The following ABR variants were observed in gnomAD, a reference collection of about 807,000 sequenced individuals.
ABR encodes the protein active breakpoint cluster region-related protein.
Under a neutral mutation model 107.2 loss-of-function variants are expected in ABR, and 35 were observed. That is an observed-to-expected ratio of 0.33 (90% CI 0.25 to 0.43). ABR has a LOEUF of 0.43. Among genes scored for constraint, ABR ranks in the 20% least tolerant of loss-of-function variants. The pLI is 1.00. For synonymous variants in ABR, 498 were observed against 462.0 expected (o/e 1.08, Z -1.00); for missense variants, 815 against 1,115.2 (o/e 0.73, Z 3.83).
At chr17:1,049,046 A>C (rs2032109940) in intron 16 of ABR, among the ~76,000 whole-genome samples, 1 of 152,140 alleles carries the variant, frequency 6.6e-6, no homozygotes. Context: ...TACTTCTCTT[A>C]ATAGGTTGGT....
At chr17:1,153,940 T>G (rs2040934537) in intron 1 of ABR, 1 of 165,618 alleles carries the variant, frequency 6.0e-6, no homozygotes, top group African/African-American at 2.4e-5. Flanking sequence ...AGCAACAGGC[T>G]CCCGCTCCAG....
chr17:1,089,984 G>A (rs888499125), intron 4 of ABR, among the ~76,000 whole-genome samples: 8 of 152,136 alleles, frequency 5.3e-5, no homozygotes, highest in Non-Finnish European at 1.0e-4. Context: ...AATGCAGTCC[G>A]TCCTCCTGGA....
At chr17:1,020,289 G>T (rs1413609221) in intron 16 of ABR, among the ~76,000 whole-genome samples, 1 of 152,172 alleles carries the variant, frequency 6.6e-6, no homozygotes, top group Non-Finnish European at 1.5e-5. Context: ...CACCGTGTTG[G>T]CCAGGCTGGT....
intron 9 of ABR, among the ~76,000 whole-genome samples, chr17:1,068,158 C>T (rs1005706426): frequency 6.6e-6 from 1 of 152,234 alleles, no homozygotes; most frequent in African/African-American, 2.4e-5. Context: ...GTCTCAAACT[C>T]CTGACCTCAG....
intron 16 of ABR, among the ~76,000 whole-genome samples, chr17:1,025,466 C>T (rs908265957): frequency 2.0e-5 from 3 of 152,120 alleles, no homozygotes; most frequent in Non-Finnish European, 4.4e-5. Context: ...GAACACCCCG[C>T]GGCTTCCCAC....
intron 1 of ABR, among the ~76,000 whole-genome samples, chr17:1,137,738 A>C (rs2040137301): frequency 6.6e-6 from 1 of 152,154 alleles, no homozygotes; most frequent in Non-Finnish European, 1.5e-5. Flanking sequence ...AAGCTCAACT[A>C]AGCATGGAGG....
intron 1 of ABR, among the ~76,000 whole-genome samples, chr17:1,144,500 G>A (rs1188309949): frequency 2.0e-5 from 3 of 151,928 alleles, no homozygotes; most frequent in Non-Finnish European, 2.9e-5. Context: ...GCTGCCCTGC[G>A]CAGTTCACAG....
intron 1 of ABR, among the ~76,000 whole-genome samples, chr17:1,164,997 G>T (rs1473882480): frequency 6.6e-6 from 1 of 152,104 alleles, no homozygotes; most frequent in African/African-American, 2.4e-5. Context: ...AATTTAACGG[G>T]GCATCCTTAT....
intron 16 of ABR, among the ~76,000 whole-genome samples, chr17:1,028,377 G>A (rs1018305841): frequency 2.6e-5 from 4 of 152,088 alleles, no homozygotes; most frequent in Non-Finnish European, 4.4e-5. Context: ...GGGATGACAG[G>A]CGTGAGCCAC....
intron 2 of ABR, among the ~76,000 whole-genome samples, chr17:1,121,190 A>T (rs7207980): frequency 6.6e-6 from 1 of 152,036 alleles, no homozygotes; most frequent in Non-Finnish European, 1.5e-5. Flanking sequence ...GGGACACAAA[A>T]GAAGACAAAG....
intron 21 of ABR, among the ~76,000 whole-genome samples, 158 bp from the exon 22 acceptor site, chr17:1,007,470 G>T (rs951900130): frequency 6.6e-6 from 1 of 152,152 alleles, no homozygotes; most frequent in Non-Finnish European, 1.5e-5. Flanking sequence ...GGGGGAAGGG[G>T]ACTCATCCAG....
chr17:1,024,706 A>G (rs1231891982), intron 16 of ABR, among the ~76,000 whole-genome samples: 2 of 147,238 alleles, frequency 1.4e-5, no homozygotes, highest in African/African-American at 5.1e-5. Context: ...GGATTGCTTG[A>G]GCCTGGGAGA....
At chr17:1,086,871 G>C (rs904198853) in intron 4 of ABR, among the ~76,000 whole-genome samples, 1 of 152,058 alleles carries the variant, frequency 6.6e-6, no homozygotes, top group African/African-American at 2.4e-5. Flanking sequence ...CTACTTGGGA[G>C]ACTGAGGTGG....
At chr17:1,215,979 T>A (rs2150749469) in intron 1 of ABR, among the ~76,000 whole-genome samples, 1 of 134,184 alleles carries the variant, frequency 7.5e-6, no homozygotes, top group South Asian at 2.6e-4. Context: ...GAAGGCAGCG[T>A]GCTCGTTAAG....
At chr17:1,017,415 C>T (rs1439483115) in intron 16 of ABR, among the ~76,000 whole-genome samples, 1 of 151,162 alleles carries the variant, frequency 6.6e-6, no homozygotes, top group Non-Finnish European at 1.5e-5. Context: ...TGCTCTTTGT[C>T]AACTGAGATG....
chr17:1,153,178 C>T (rs1229693409), intron 1 of ABR, among the ~76,000 whole-genome samples: 3 of 152,230 alleles, frequency 2.0e-5, no homozygotes, highest in African/African-American at 4.8e-5. Flanking sequence ...CTTGCCCCAT[C>T]ATCAGGTGCA....
At chr17:1,068,178 C>G (rs1452078062) in intron 9 of ABR, among the ~76,000 whole-genome samples, 1 of 152,238 alleles carries the variant, frequency 6.6e-6, no homozygotes, top group Non-Finnish European at 1.5e-5. Context: ...GGTGATCCAC[C>G]CGCCTTGGCC....
chr17:1,095,358 G>A (rs1439806949), intron 3 of ABR, among the ~76,000 whole-genome samples: 4 of 152,188 alleles, frequency 2.6e-5, no homozygotes, highest in African/African-American at 9.6e-5. Flanking sequence ...ATGACACGAT[G>A]GGGACCTTGG....
intron 5 of ABR, among the ~76,000 whole-genome samples, chr17:1,081,907 G>A (rs1386043421): frequency 1.3e-5 from 2 of 152,166 alleles, no homozygotes; most frequent in African/African-American, 4.8e-5. Flanking sequence ...CAGAGGCGAA[G>A]TGTCAGCAAG....
Sources: allele counts gnomAD v4.1 joint callset (sites outside exome capture counted in the v4.1 genomes callset), GRCh38; gene constraint gnomAD v4.1.1; transcripts MANE v1.5; gene names NCBI Gene and HGNC (gene_info 2026-07-23, HGNC 2026-07-21).